The following GABRB1 variants were observed in gnomAD, a reference collection of about 807,000 sequenced individuals.
GABRB1 encodes gamma-aminobutyric acid receptor subunit beta-1.
A neutral mutation model predicts 51.6 loss-of-function variants in GABRB1; 17 were observed. That is an observed-to-expected ratio of 0.33 (90% confidence interval 0.23 to 0.49). GABRB1 has a LOEUF of 0.49. GABRB1 is among the 20% of genes least tolerant of loss of function. The probability of loss-of-function intolerance (pLI) is 0.99; values close to 1 mark genes in which losing one functional copy is unlikely to be tolerated. For missense variants in GABRB1, 410 were observed against 600.6 expected, an observed-to-expected ratio of 0.68 and a Z score of 3.32; for synonymous variants, 247 against 218.9, an observed-to-expected ratio of 1.13 and a Z score of -1.14.
intron 3 of GABRB1, among the ~76,000 whole-genome samples, chr4:47,146,375 A>G (rs1717172920): frequency 6.6e-6 from 1 of 151,958 alleles, no homozygotes; most frequent in Admixed American, 6.6e-5. Flanking sequence ...CAACAGTAAG[A>G]GAAAATTTCA....
At chr4:47,212,121 G>T (rs576493412) in intron 4 of GABRB1, among the ~76,000 whole-genome samples, 2 of 152,132 alleles carry the variant, frequency 1.3e-5, no homozygotes, top group African/African-American at 4.8e-5. Flanking sequence ...GAGCTGTATA[G>T]AAAAGGTACC....
intron 3 of GABRB1, among the ~76,000 whole-genome samples, chr4:47,055,814 A>G (rs1726572701): frequency 6.6e-6 from 1 of 152,220 alleles, no homozygotes; most frequent in African/African-American, 2.4e-5. Context: ...CTTCCTAATT[A>G]AAGAAAAATT....
intron 4 of GABRB1, among the ~76,000 whole-genome samples, chr4:47,206,951 C>A (rs1028180190): frequency 6.6e-6 from 1 of 151,688 alleles, no homozygotes; most frequent in African/African-American, 2.4e-5. Flanking sequence ...ATTTAAAATT[C>A]TATTCAGAAA....
intron 3 of GABRB1, among the ~76,000 whole-genome samples, chr4:47,041,429 G>C (rs544736190): frequency 6.6e-6 from 1 of 152,172 alleles, no homozygotes; most frequent in African/African-American, 2.4e-5. Context: ...AGGGCCCTTA[G>C]GTAGCTGTTA....
chr4:47,395,320 T>C (rs1285867945), intron 5 of GABRB1, among the ~76,000 whole-genome samples: 2 of 152,112 alleles, frequency 1.3e-5, no homozygotes, highest in Non-Finnish European at 2.9e-5. Flanking sequence ...TGTCTTACCA[T>C]GGTGCAGCAG....
intron 5 of GABRB1, among the ~76,000 whole-genome samples, chr4:47,329,475 A>G (rs1265819487): frequency 3.4e-5 from 5 of 148,974 alleles, no homozygotes; most frequent in African/African-American, 1.2e-4. Flanking sequence ...TGGAATATAT[A>G]GCATATATAA....
At chr4:47,369,312 C>A (rs958379848) in intron 5 of GABRB1, among the ~76,000 whole-genome samples, 1 of 151,998 alleles carries the variant, frequency 6.6e-6, no homozygotes, top group African/African-American at 2.4e-5. Flanking sequence ...ATCACAGTCC[C>A]GAGCTTCAGG....
chr4:47,167,692 C>T (rs953863477), intron 4 of GABRB1, among the ~76,000 whole-genome samples: 6 of 152,100 alleles, frequency 3.9e-5, no homozygotes, highest in African/African-American at 1.4e-4. Context: ...ATAAGGGCTC[C>T]ATCCTTGCAA....
intron 1 of GABRB1, among the ~76,000 whole-genome samples, chr4:47,003,908 T>C (rs1234110745): frequency 1.3e-5 from 2 of 152,238 alleles, no homozygotes; most frequent in African/African-American, 2.4e-5. Flanking sequence ...AGCCCACACA[T>C]ATTTACAGGC....
At chr4:47,304,587 A>G (rs544716186) in intron 4 of GABRB1, among the ~76,000 whole-genome samples, 11 of 151,950 alleles carry the variant, frequency 7.2e-5, no homozygotes, top group Non-Finnish European at 8.8e-5. Context: ...GCTGTCTATT[A>G]TCTCTGTTGA....
intron 4 of GABRB1, among the ~76,000 whole-genome samples, chr4:47,216,251 A>G (rs1720551746): frequency 6.6e-6 from 1 of 151,900 alleles, no homozygotes; most frequent in African/African-American, 2.4e-5. Context: ...ATAATACTGT[A>G]TATTTTTTCT....
chr4:47,137,691 C>G (rs1716732287), intron 3 of GABRB1, among the ~76,000 whole-genome samples: 1 of 152,028 alleles, frequency 6.6e-6, no homozygotes, highest in African/African-American at 2.4e-5. Flanking sequence ...GAGTATCTAC[C>G]AAATGCTTAT....
At chr4:47,053,030 T>G (rs776308801) in intron 3 of GABRB1, among the ~76,000 whole-genome samples, 1 of 152,100 alleles carries the variant, frequency 6.6e-6, no homozygotes, top group Non-Finnish European at 1.5e-5. Flanking sequence ...CTTGGGATGT[T>G]TATTGAAAAA....
At chr4:47,299,685 T>C (rs1174877450) in intron 4 of GABRB1, among the ~76,000 whole-genome samples, 1 of 152,098 alleles carries the variant, frequency 6.6e-6, no homozygotes, top group East Asian at 1.9e-4. Flanking sequence ...AGTGTGGCGA[T>C]TCCTCAGGAA....
intron 3 of GABRB1, among the ~76,000 whole-genome samples, chr4:47,056,689 A>G (rs938236513): frequency 2.6e-5 from 4 of 152,208 alleles, no homozygotes; most frequent in African/African-American, 9.7e-5. Context: ...CTACAAAAAA[A>G]AGGAAAGGAT....
chr4:47,032,941 C>A (rs1725397520), intron 3 of GABRB1: 2 of 352,972 alleles, frequency 5.7e-6, no homozygotes, highest in Middle Eastern at 1.0e-3. Context: ...CAAGGCCCTG[C>A]CACCGAGAGC....
At chr4:47,117,541 G>A (rs549020585) in intron 3 of GABRB1, among the ~76,000 whole-genome samples, 14 of 152,202 alleles carry the variant, frequency 9.2e-5, no homozygotes, top group East Asian at 7.7e-4. Flanking sequence ...CCAATATGCC[G>A]TTCAGGAGCT....
chr4:47,329,842 T>G (rs75714836), intron 5 of GABRB1, among the ~76,000 whole-genome samples: 9,958 of 151,446 alleles, frequency 0.066, 538 homozygotes, highest in East Asian at 0.28. Context: ...TATCTATATA[T>G]AGAGAGCGAG....
At chr4:47,397,539 T>G (rs535320521) in intron 5 of GABRB1, among the ~76,000 whole-genome samples, 5 of 152,290 alleles carry the variant, frequency 3.3e-5, no homozygotes, top group African/African-American at 1.2e-4. Flanking sequence ...TTTTACTACC[T>G]GGTAGGGCTA....
Sources: gnomAD v4.1 joint callset for allele counts (sites outside exome capture counted in the v4.1 genomes callset) on GRCh38, gnomAD v4.1.1 for gene constraint, MANE v1.5 for transcripts, NCBI Gene and HGNC (gene_info 2026-07-23, HGNC 2026-07-21) for gene names.